Variants in ANTXR2 observed in about 807,000 individuals in gnomAD.
ANTXR2 encodes ANTXR cell adhesion molecule 2, also known as anthrax toxin receptor 2.
ANTXR2 carries 44 observed loss-of-function variants against 73.7 expected under a neutral mutation model. The ratio of observed to expected loss-of-function variants is 0.60; its 90% CI spans 0.47 to 0.77. The LOEUF (loss-of-function observed/expected upper bound fraction) is 0.77. ANTXR2 is among the 30% of genes least tolerant of loss of function. ANTXR2 has a pLI of 0.00. For synonymous variants in ANTXR2, 217 were observed against 205.9 expected (o/e 1.05, Z -0.46); for missense variants, 604 against 592.5 (o/e 1.02, Z -0.20).
Position 80,036,025 on chromosome 4 carries a change from G to A in ANTXR2, c.644C>T (p.Ala215Val). Reference sequence around the variant, plus strand: ...TTCTAGGATTTCAGTACATGACTGAGCTAGTATCTAAAAAAGAAAAAAAAA... The same window carrying A: ...TTCTAGGATTTCAGTACATGACTGAACTAGTATCTAAAAAAGAAAAAAAAA... ...ALKGIINSIL[A>V]QSCTEILELQ... is the part of the protein sequence containing the mutation. The change falls in exon 8 of 17, where the codon GCT (alanine) becomes GTT (valine). Residue 215 changes from alanine to valine, a missense_variant. Transcript: ENST00000403729. The A allele has an allele frequency of 6.6e-7, 1 of 1,510,044 alleles. No homozygotes were observed. The highest frequency in any genetic ancestry group is 1.3e-5 in the South Asian group (1 of 75,634). 93.5% of individuals were successfully genotyped at this position (1,510,044 alleles called of 1,614,324 possible).
intron 16 of ANTXR2, among the ~76,000 whole-genome samples, chr4:79,956,206 T>C (rs934099614): frequency 1.3e-5 from 2 of 152,176 alleles, no homozygotes; most frequent in African/African-American, 4.8e-5. Context: ...GTTGTGTATG[T>C]GTATTATAGA....
At chr4:79,978,775 A>G (rs73828831) in intron 14 of ANTXR2, among the ~76,000 whole-genome samples, 13,910 of 152,256 alleles carry the variant, frequency 0.091, 735 homozygotes, top group Middle Eastern at 0.23. Context: ...TAAGTTTCCA[A>G]TTGGTTAGAA....
intron 12 of ANTXR2, among the ~76,000 whole-genome samples, chr4:79,992,425 T>A (rs1447087585): frequency 6.6e-6 from 1 of 151,914 alleles, no homozygotes; most frequent in Non-Finnish European, 1.5e-5. Context: ...ATATAAATAG[T>A]AATTAAATTT....
chr4:79,977,998 G>A lies in ANTXR2; in HGVS notation c.1347+9C>T, dbSNP rs112023055. On this transcript the variant is annotated intron_variant, in intron 15 of 16. Coordinates refer to ENST00000403729, the MANE Select transcript of ANTXR2 (RefSeq NM_058172.6). Reference sequence around the variant, plus strand: ...TTTGAGTTAAATTACACAAAATCTGGACACATACCTTAATTGGGGTGTACC... The same window carrying A: ...TTTGAGTTAAATTACACAAAATCTGAACACATACCTTAATTGGGGTGTACC... The A allele has an allele frequency of 7.9e-4, 1,251 of 1,574,168 alleles. No homozygotes were observed. Among genetic ancestry groups the A allele is most frequent in the Non-Finnish European group, 1.0e-3 (1,184 of 1,164,742 alleles).
chr4:79,985,551 G>A (rs951496848), intron 12 of ANTXR2, among the ~76,000 whole-genome samples: 2 of 152,052 alleles, frequency 1.3e-5, no homozygotes, highest in Non-Finnish European at 2.9e-5. Flanking sequence ...TAGGCTGGGT[G>A]GTGAGACAGA....
chr4:79,949,800 C>T lies in ANTXR2; in HGVS notation c.1428+27821G>A, dbSNP rs554405717. Among the ~76,000 whole-genome samples, 12 of 152,262 alleles carry T rather than the reference C, an allele frequency of 7.9e-5. No homozygotes were observed. The South Asian group carries it at 2.1e-3, about 26-fold the overall frequency. On this transcript the variant is annotated intron_variant, in intron 16 of 16. Coordinates refer to ENST00000403729, the MANE Select transcript of ANTXR2 (RefSeq NM_058172.6). ...TTTTAGTTTTCTCCTAAGCCAAGTT[C>T]CGCCCTGAACAAGTTGATCAAATTT...
At chr4:79,934,663 G>A (rs1728189698) in intron 16 of ANTXR2, among the ~76,000 whole-genome samples, 1 of 152,110 alleles carries the variant, frequency 6.6e-6, no homozygotes, top group African/African-American at 2.4e-5. Flanking sequence ...GGAGAATTAT[G>A]TGAATGTGCA....
intron 16 of ANTXR2, among the ~76,000 whole-genome samples, chr4:79,953,270 A>G (rs979557614): frequency 6.6e-6 from 1 of 151,446 alleles, no homozygotes; most frequent in Non-Finnish European, 1.5e-5. Context: ...AATTTTTGTA[A>G]GATGATTTTG....
At chr4:80,065,002 T>C (rs566371238) in intron 3 of ANTXR2, among the ~76,000 whole-genome samples, 1 of 152,328 alleles carries the variant, frequency 6.6e-6, no homozygotes, top group Admixed American at 6.5e-5. Flanking sequence ...GACAAGCCGC[T>C]TTATCATTGT....
At chr4:79,982,156 T>G (rs1729918589) in intron 14 of ANTXR2, among the ~76,000 whole-genome samples, 1 of 152,184 alleles carries the variant, frequency 6.6e-6, no homozygotes, top group Non-Finnish European at 1.5e-5. Flanking sequence ...TTTATTCAAT[T>G]AAGGCTCACA....
intron 3 of ANTXR2, among the ~76,000 whole-genome samples, chr4:80,065,194 A>C (rs977868001): frequency 2.0e-5 from 3 of 152,214 alleles, no homozygotes; most frequent in African/African-American, 7.2e-5. Flanking sequence ...TATTTAACAG[A>C]ACTGAGCTTA....
At chr4:79,950,018 TTGAA>T (rs1246896624) in intron 16 of ANTXR2, among the ~76,000 whole-genome samples, 1 of 152,160 alleles carries the variant, frequency 6.6e-6, no homozygotes, top group East Asian at 1.9e-4. Flanking sequence ...GTTATTGTCT[TTGAA>T]TAATAAAATC....
In ANTXR2 at chr4:79,946,539, A is replaced by G. The variant is rs1728520231; in HGVS notation, c.1428+31082T>C. Among the ~76,000 whole-genome samples the G allele has an allele frequency of 2.0e-5, 3 of 152,212 alleles. No individual in the cohort carries two copies. The South Asian group carries it at 6.2e-4, about 32-fold the overall frequency. ...TCAATCATTGAATATGGGCAGCCCC[A>G]GGCAGGGGCTGTAATCTTGGGTGGA... On this transcript the variant is annotated intron_variant, in intron 16 of 16. Coordinates refer to ENST00000403729, the MANE Select transcript of ANTXR2 (RefSeq NM_058172.6).
intron 16 of ANTXR2, among the ~76,000 whole-genome samples, chr4:79,965,877 T>A (rs1288231293): frequency 6.6e-6 from 1 of 152,246 alleles, no homozygotes; most frequent in Non-Finnish European, 1.5e-5. Context: ...GATTTGTTGA[T>A]ATAAAAGTGA....
At chr4:79,983,205 T>G (rs1017107188) in intron 14 of ANTXR2, among the ~76,000 whole-genome samples, 1 of 152,138 alleles carries the variant, frequency 6.6e-6, no homozygotes, top group East Asian at 1.9e-4. Context: ...CAGGCCTGTT[T>G]ATACTGTTGT....
At chr4:80,067,263 C>T (rs1734547921) in intron 3 of ANTXR2, among the ~76,000 whole-genome samples, 1 of 151,944 alleles carries the variant, frequency 6.6e-6, no homozygotes, top group African/African-American at 2.4e-5. Context: ...CAGTGTCTCC[C>T]CTATTAGATT....
At chr4:79,910,753 C>T (rs1211155230) in intron 16 of ANTXR2, among the ~76,000 whole-genome samples, 18 of 151,612 alleles carry the variant, frequency 1.2e-4, no homozygotes, top group Admixed American at 1.2e-3. Flanking sequence ...AAGTATGAAT[C>T]TGAGGGAGAG....
chr4:80,024,549 C>T, intron 10 of ANTXR2: 1 of 301,368 alleles, frequency 3.3e-6, no homozygotes, highest in South Asian at 2.6e-5. Context: ...TGGCTTGAGC[C>T]CAGGAGTTTG....
chr4:80,034,784 A>C (rs961359113), intron 8 of ANTXR2, among the ~76,000 whole-genome samples: 7 of 152,148 alleles, frequency 4.6e-5, no homozygotes, highest in Non-Finnish European at 8.8e-5. Flanking sequence ...GTCCTCTAAA[A>C]CTTCTCATAT....
Sources: allele counts gnomAD v4.1 joint callset (sites outside exome capture counted in the v4.1 genomes callset), GRCh38; gene constraint gnomAD v4.1.1; transcripts MANE v1.5; gene names NCBI Gene and HGNC (gene_info 2026-07-23, HGNC 2026-07-21).